Variants in CYTH1 observed in about 807,000 individuals in gnomAD.
CYTH1 encodes the protein cytohesin 1.
A neutral mutation model predicts 61.8 loss-of-function variants in CYTH1; 18 were observed. That is an observed-to-expected ratio of 0.29 (90% CI 0.20 to 0.43). CYTH1 has a LOEUF of 0.43. Among genes scored for constraint, CYTH1 ranks in the 20% least tolerant of loss-of-function variants. CYTH1 has a pLI of 1.00. For missense variants in CYTH1, 336 were observed against 510.5 expected (o/e 0.66, Z 3.29); for synonymous variants, 174 against 184.3 (o/e 0.94, Z 0.45).
intron 10 of CYTH1, among the ~76,000 whole-genome samples, chr17:78,693,266 G>A (rs901628701): frequency 3.3e-5 from 5 of 152,148 alleles, no homozygotes; most frequent in East Asian, 3.9e-4. Context: ...AAGCTCTGGC[G>A]GTGGTGGCTG....
chr17:78,708,082 T>C (rs888253109), intron 3 of CYTH1, 115 bp downstream of exon 3: 1 of 1,036,054 alleles, frequency 9.7e-7, no homozygotes, highest in Non-Finnish European at 1.5e-6. Context: ...CTTGCTAGAA[T>C]TAGAAAGACA....
At chr17:78,746,296 C>A (rs1180081091) in intron 1 of CYTH1, among the ~76,000 whole-genome samples, 1 of 150,264 alleles carries the variant, frequency 6.7e-6, no homozygotes, top group African/African-American at 2.5e-5. Flanking sequence ...TCCTCAACTC[C>A]TCCAAAAAAA....
intron 1 of CYTH1, among the ~76,000 whole-genome samples, chr17:78,735,763 A>T (rs1289615732): frequency 1.3e-5 from 2 of 152,228 alleles, no homozygotes; most frequent in Admixed American, 6.5e-5. Flanking sequence ...TATTTATTCC[A>T]AACTTAAAAA....
chr17:78,771,199 G>GTTAA (rs1243338504), intron 1 of CYTH1, among the ~76,000 whole-genome samples: 1 of 151,950 alleles, frequency 6.6e-6, no homozygotes, highest in African/African-American at 2.4e-5. Flanking sequence ...GGAGGCAGAG[G>GTTAA]TTAAGAGAGC....
intron 1 of CYTH1, among the ~76,000 whole-genome samples, chr17:78,766,245 C>A (rs144668029): frequency 1.5e-4 from 23 of 152,226 alleles, no homozygotes; most frequent in African/African-American, 5.3e-4. Context: ...TAAATGAGTT[C>A]TTTCAGCAGC....
At chr17:78,699,100 C>A in intron 7 of CYTH1, 132 bp from the exon 8 acceptor site, 1 of 1,086,732 alleles carries the variant, frequency 9.2e-7, no homozygotes, top group Non-Finnish European at 1.3e-6. Flanking sequence ...GATGCAGTGG[C>A]TTACACCTGT....
rs2093002245 is a variant in CYTH1 at position 78,700,927 on chromosome 17, A to G, written c.438-484T>C. On this transcript the variant is annotated intron_variant, in intron 6 of 13. Transcript: ENST00000446868. This position sits in a 1 kb window ranked among gnomAD's most constrained non-coding sequence, Gnocchi z 5.1. ...CAGATGCAAAGTTGCCATCCACACC[A>G]CTGTTACCTTAATCAAAAGTAAAAT... 6.6e-6 allele frequency among the ~76,000 whole-genome samples: 1 copy of G among 152,212 alleles called. No individual in the cohort carries two copies. The highest frequency in any genetic ancestry group is 6.5e-5 in the Admixed American group (1 of 15,284).
At chr17:78,690,499 G>T (rs1246383467) in intron 11 of CYTH1, among the ~76,000 whole-genome samples, 1 of 145,248 alleles carries the variant, frequency 6.9e-6, no homozygotes, top group Non-Finnish European at 1.5e-5. Context: ...GGCCAACATG[G>T]TGAAACCCCA....
At chr17:78,702,967 G>A (rs912357411) in intron 3 of CYTH1, among the ~76,000 whole-genome samples, 25 of 151,936 alleles carry the variant, frequency 1.6e-4, no homozygotes, top group African/African-American at 5.3e-4. Flanking sequence ...GACCACAGGC[G>A]CATGCCACCA....
intron 11 of CYTH1, among the ~76,000 whole-genome samples, chr17:78,681,889 A>G (rs762790873): frequency 3.9e-5 from 6 of 152,116 alleles, no homozygotes; most frequent in Non-Finnish European, 8.8e-5. Flanking sequence ...AAAAGCGAAA[A>G]AGAGTCTTTC....
Position 78,742,437 on chromosome 17 carries a change from C to T in CYTH1, c.23-32705G>A, listed in dbSNP as rs147635308. On this transcript the variant is annotated intron_variant, in intron 1 of 13. Transcript: ENST00000446868. ...ATTAGCTGGGCGTGGTGGCACATGT[C>T]TGTGGTCCCAGCTACTTGGGAGGCT... is the stretch of plus-strand genomic sequence containing the variant. 4.6e-4 allele frequency among the ~76,000 whole-genome samples: 70 copies of T among 151,416 alleles called. 1 individual carries two copies. The highest frequency in any genetic ancestry group is 1.6e-3 in the African/African-American group (64 of 41,224).
At chr17:78,718,116 AT>A (rs2093197626) in intron 1 of CYTH1, among the ~76,000 whole-genome samples, 1 of 151,828 alleles carries the variant, frequency 6.6e-6, no homozygotes, top group Non-Finnish European at 1.5e-5. Flanking sequence ...GGTCATTGCC[AT>A]TTCCTTTTCA....
At chr17:78,781,852 A>G (rs1160230412) in intron 1 of CYTH1, among the ~76,000 whole-genome samples, 1 of 148,934 alleles carries the variant, frequency 6.7e-6, no homozygotes, top group Non-Finnish European at 1.5e-5. Flanking sequence ...CATCCCTCAG[A>G]GCCCCTGAGA....
intron 1 of CYTH1, among the ~76,000 whole-genome samples, chr17:78,776,548 A>C (rs2093491833): frequency 6.6e-6 from 1 of 151,552 alleles, no homozygotes; most frequent in Admixed American, 6.6e-5. Flanking sequence ...TGTCCCAGCT[A>C]CTCAGGAGGC....
intron 1 of CYTH1, among the ~76,000 whole-genome samples, chr17:78,749,014 C>A (rs575340395): frequency 6.6e-6 from 1 of 152,314 alleles, no homozygotes; most frequent in South Asian, 2.1e-4. Flanking sequence ...AAGGGCCCAA[C>A]ACACCCACAT....
intron 1 of CYTH1, among the ~76,000 whole-genome samples, chr17:78,752,505 TCAC>T (rs777844407): frequency 2.1e-4 from 32 of 152,190 alleles, no homozygotes; most frequent in Admixed American, 5.2e-4. Flanking sequence ...TGATCTCAGC[TCAC>T]CACAACCTCC....
At chr17:78,679,639 C>A (rs780978768) in intron 13 of CYTH1, among the ~76,000 whole-genome samples, 6 of 152,158 alleles carry the variant, frequency 3.9e-5, no homozygotes, top group Admixed American at 3.3e-4. Context: ...GCCAACAGAG[C>A]CGAGAGGTAG....
chr17:78,741,572 G>A (rs1243104032), intron 1 of CYTH1, among the ~76,000 whole-genome samples: 2 of 152,114 alleles, frequency 1.3e-5, no homozygotes, highest in African/African-American at 2.4e-5. Flanking sequence ...GGACACCAAG[G>A]AGTAATAAAG....
chr17:78,727,642 C>T, intron 1 of CYTH1: 1 of 470,904 alleles, frequency 2.1e-6, no homozygotes. Flanking sequence ...GATACTGGCC[C>T]CCTGCCTCCA....
Sources: gnomAD v4.1 joint callset for allele counts (sites outside exome capture counted in the v4.1 genomes callset) on GRCh38, gnomAD v4.1.1 for gene constraint, Gnocchi (gnomAD v3.1) non-coding constraint, MANE v1.5 for transcripts, NCBI Gene and HGNC (gene_info 2026-07-23, HGNC 2026-07-21) for gene names.